SH3BP1: variants seen among roughly 807,000 people sequenced by gnomAD.
The protein encoded by SH3BP1 is SH3 domain binding protein 1.
A neutral mutation model predicts 69.8 loss-of-function variants in SH3BP1; 46 were observed. The observed-to-expected ratio is 0.66, with a 90% confidence interval of 0.52 to 0.84. The LOEUF (loss-of-function observed/expected upper bound fraction) is 0.84. Among genes scored for constraint, SH3BP1 ranks in the 40% least tolerant of loss-of-function variants. The pLI is 0.00. For synonymous variants in SH3BP1, 403 were observed against 378.0 expected, an observed-to-expected ratio of 1.07 and a Z score of -0.77; for missense variants, 868 against 930.9, an observed-to-expected ratio of 0.93 and a Z score of 0.88.
rs183957301 is a variant in SH3BP1, at chr22:37,641,354, C to T, written c.103-20C>T. 1.9e-4 allele frequency: 293 copies of T among 1,550,388 alleles called. 1 individual carries two copies. In the African/African-American group the frequency reaches 3.6e-3, roughly 19 times the overall value. On this transcript the variant is annotated intron_variant, in intron 2 of 17. Transcript: ENST00000649765. ...GGAGACAGCCTCTCTTGATCCTTAA[C>T]CTCCATACCTCCTTCCCAGGTAGAA...
chr22:37,647,495 AC>A lies in SH3BP1; in HGVS notation c.1179del (p.Glu394ArgfsTer9), dbSNP rs1569008643. Reference sequence around the variant, plus strand: ...CCCTCCAAGAGGTGTGCAGCCGCCTACCCCCCGAGAACCTCAGCAACCTCAG... The same window carrying A: ...CCCTCCAAGAGGTGTGCAGCCGCCTACCCCCGAGAACCTCAGCAACCTCAG... ...QALQEVCSRL[P>X]PENLSNLRYL... On this transcript the variant is annotated frameshift_variant, in exon 13 of 18. Coordinates refer to ENST00000649765, the MANE Select transcript of SH3BP1 (RefSeq NM_018957.6). LOFTEE classifies it high-confidence loss of function. The A allele has an allele frequency of 6.2e-7, 1 of 1,602,550 alleles. No homozygotes were observed. Among genetic ancestry groups the A allele is most frequent in the Non-Finnish European group, 8.5e-7 (1 of 1,178,566 alleles).
At chr22:37,648,717 T>TC (rs1932826270) in intron 14 of SH3BP1, 1 of 341,306 alleles carries the variant, frequency 2.9e-6, no homozygotes, top group African/African-American at 2.1e-5. Context: ...TTTTTTTTTT[T>TC]TTTGAGATGG....
At chr22:37,642,827 C>T in intron 4 of SH3BP1, 68 bp from the exon 5 acceptor site, 2 of 1,592,510 alleles carry the variant, frequency 1.3e-6, no homozygotes, top group Non-Finnish European at 1.7e-6. Flanking sequence ...GAGGAGAGGC[C>T]CCACCAAGTG....
Position 37,644,640 on chromosome 22 carries a change from G to T in SH3BP1, c.622G>T (p.Glu208Ter). The T allele has an allele frequency of 6.2e-7, 1 of 1,614,082 alleles. No individual in the cohort carries two copies. The highest frequency in any genetic ancestry group is 8.5e-7 in the Non-Finnish European group (1 of 1,179,928). Residue 208 changes from glutamate (E) to a stop codon, truncating the protein, a stop_gained, in exon 8 of 18, where the codon GAG becomes TAG. Coordinates refer to ENST00000649765, the MANE Select transcript of SH3BP1 (RefSeq NM_018957.6). LOFTEE classifies it high-confidence loss of function. ...CTCTCCCCTCTCTGTCCCCAAGGAC[G>T]AGTACTTGGCTGACCTGTACCACTT... ...LKRKVEQCRD[E>*]YLADLYHFVT...
At chr22:37,648,697 G>GTTT in intron 14 of SH3BP1, 4 of 316,646 alleles carry the variant, frequency 1.3e-5, no homozygotes, top group South Asian at 1.1e-4. Context: ...CAGAGATCGG[G>GTTT]TTCTTTTTTT....
At chr22:37,643,870 T>A in intron 7 of SH3BP1, 82 bp downstream of exon 7, 1 of 1,554,378 alleles carries the variant, frequency 6.4e-7, no homozygotes, top group South Asian at 1.1e-5. Flanking sequence ...GAAGCTGAAG[T>A]TCAGAGAGGT....
chr22:37,642,184 C>G, intron 3 of SH3BP1: 1 of 316,010 alleles, frequency 3.2e-6, no homozygotes, highest in African/African-American at 2.1e-5. Flanking sequence ...CATATATACC[C>G]TGGGACAGGG....
chr22:37,642,441 C>T, intron 3 of SH3BP1, 98 bp from the exon 4 acceptor site: 1 of 1,225,590 alleles, frequency 8.2e-7, no homozygotes, highest in Admixed American at 1.8e-5. Flanking sequence ...TGTGGCCCTC[C>T]TGGGTTCCCT....
Position 37,650,660 on chromosome 22 carries a change from G to GGCTCCGGCTCCGGCTCCA in SH3BP1, c.1539_1556dup (p.Pro519_Ala524dup), listed in dbSNP as rs755981741. The GGCTCCGGCTCCGGCTCCA allele has an allele frequency of 6.7e-5, 108 of 1,613,332 alleles. No individual in the cohort carries two copies. The highest frequency in any genetic ancestry group is 1.6e-4 in the Middle Eastern group (1 of 6,068). On this transcript the variant is annotated inframe_insertion, in exon 16 of 18. Transcript: ENST00000649765. ...CCGTGCCCACCCCAGCCACCACCCC[G>GGCTCCGGCTCCGGCTCCA]GCTCCGGCTCCGGCTCCAGCTCCAG...
chr22:37,645,380 T>C lies in SH3BP1; in HGVS notation c.794T>C (p.Met265Thr), dbSNP rs1348074334. ...NHGQADHSPS[M>T]TATHFPRVYG... is the part of the protein sequence containing the mutation. ...ATCCCTGCAGACCACTCCCCTTCGA[T>C]GACAGCCACCCACTTCCCCAGGGTG... Residue 265 changes from methionine to threonine, a missense_variant, in exon 10 of 18, where the codon ATG becomes ACG. By Grantham distance (81) the Met-to-Thr change is moderately conservative. This residue lies in a region of SH3BP1 where 387 missense variants were observed against 447.9 expected (regional missense o/e 0.86). Transcript: ENST00000649765. The C allele has an allele frequency of 6.2e-7, 1 of 1,609,472 alleles. No homozygotes were observed. The highest frequency in any genetic ancestry group is 8.5e-7 in the Non-Finnish European group (1 of 1,176,364).
chr22:37,645,945 C>T (rs2146055064), intron 10 of SH3BP1, among the ~76,000 whole-genome samples: 1 of 151,250 alleles, frequency 6.6e-6, no homozygotes, highest in Non-Finnish European at 1.5e-5. Context: ...GCTGGGGCCT[C>T]CTTTCTCCCT....
intron 14 of SH3BP1, 70 bp downstream of exon 14, chr22:37,648,505 T>A: frequency 9.0e-7 from 1 of 1,109,026 alleles, no homozygotes; most frequent in Admixed American, 2.0e-5. Context: ...TGTTGTCTAT[T>A]TTTCCCCGGG....
At chr22:37,650,490 T>C (rs866470434) in intron 15 of SH3BP1, 52 bp from the exon 16 acceptor site, 1 of 1,562,934 alleles carries the variant, frequency 6.4e-7, no homozygotes, top group Non-Finnish European at 8.7e-7. Context: ...GCCAGTGGAG[T>C]GAGGAGCCTG....
intron 17 of SH3BP1, among the ~76,000 whole-genome samples, chr22:37,654,172 A>T (rs142805581): frequency 3.3e-4 from 51 of 152,280 alleles, no homozygotes; most frequent in African/African-American, 1.2e-3. Context: ...GGCACACAGC[A>T]CGTGCCCACT....
intron 4 of SH3BP1, 133 bp downstream of exon 4, chr22:37,642,748 G>T (rs1358439678): frequency 6.2e-7 from 1 of 1,601,508 alleles, no homozygotes; most frequent in Non-Finnish European, 8.5e-7. Context: ...GTCAGTGAGG[G>T]TGGCCAGGCC....
intron 14 of SH3BP1, chr22:37,649,946 G>T: frequency 1.5e-6 from 1 of 683,726 alleles, no homozygotes. Context: ...AAGGGTCCTT[G>T]ATTAATTAGT....
intron 3 of SH3BP1, 171 bp from the exon 4 acceptor site, chr22:37,642,368 T>G: frequency 1.6e-6 from 1 of 624,006 alleles, no homozygotes; most frequent in Non-Finnish European, 2.9e-6. Flanking sequence ...GCTCCATCCA[T>G]GCTCTCAGGG....
chr22:37,643,500 C>A (rs1601582087), intron 6 of SH3BP1, 144 bp from the exon 7 acceptor site: 2 of 1,203,036 alleles, frequency 1.7e-6, no homozygotes, highest in Non-Finnish European at 2.3e-6. Flanking sequence ...CATGGCCCAG[C>A]CTGGGCAGAG....
chr22:37,650,666 G>A lies in SH3BP1; in HGVS notation c.1539G>A (p.Pro513=), dbSNP rs551332568. ...AVPTPATTPA[P]APAPAPAPAP... ...CCACCCCAGCCACCACCCCGGCTCCGGCTCCGGCTCCAGCTCCAGCTCCGG... is the reference window on the plus strand; with the variant it reads ...CCACCCCAGCCACCACCCCGGCTCCAGCTCCGGCTCCAGCTCCAGCTCCGG... Residue 513 remains proline, a synonymous_variant, in exon 16 of 18, where the codon CCG becomes CCA. Coordinates refer to ENST00000649765, the MANE Select transcript of SH3BP1 (RefSeq NM_018957.6). The A allele has an allele frequency of 8.1e-6, 13 of 1,613,828 alleles. No homozygotes were observed. Among genetic ancestry groups the A allele is most frequent in the East Asian group, 6.7e-5 (3 of 44,878 alleles).
Sources: gnomAD v4.1 joint callset for allele counts (sites outside exome capture counted in the v4.1 genomes callset) on GRCh38, gnomAD v4.1.1 for gene constraint, gnomAD v4.1.1 regional missense constraint, MANE v1.5 for transcripts, NCBI Gene and HGNC (gene_info 2026-07-23, HGNC 2026-07-21) for gene names.